RUNX1T1: variants seen among roughly 807,000 people sequenced by gnomAD.
The protein encoded by RUNX1T1 is protein CBFA2T1.
In RUNX1T1, 4 loss-of-function variants were observed where a neutral mutation model predicts 62.8. That is an observed-to-expected ratio of 0.06 (90% CI 0.03 to 0.15). The LOEUF (loss-of-function observed/expected upper bound fraction) is 0.15, where lower values mean the gene tolerates loss of function less well. Ranked by LOEUF, RUNX1T1 falls within the 10% of genes least tolerant of loss-of-function variation. The pLI, the probability that RUNX1T1 is intolerant of heterozygous loss-of-function variation, is 1.00. For synonymous variants in RUNX1T1, 291 were observed against 286.0 expected, an observed-to-expected ratio of 1.02 and a Z score of -0.18; for missense variants, 508 against 754.3, an observed-to-expected ratio of 0.67 and a Z score of 3.82.
chr8:92,080,691 T>C (rs552319392), intron 1 of RUNX1T1, among the ~76,000 whole-genome samples: 1 of 152,386 alleles, frequency 6.6e-6, no homozygotes, highest in African/African-American at 2.4e-5. Flanking sequence ...GCCATGTTTA[T>C]TCAACAATGC....
intron 1 of RUNX1T1, among the ~76,000 whole-genome samples, chr8:92,087,202 G>A (rs1836263407): frequency 6.6e-6 from 1 of 152,120 alleles, no homozygotes; most frequent in African/African-American, 2.4e-5. Flanking sequence ...CCAACCCTGA[G>A]GCACTCCACA....
At chr8:91,990,171 C>CA (rs1050165833) in intron 6 of RUNX1T1, among the ~76,000 whole-genome samples, 4 of 151,648 alleles carry the variant, frequency 2.6e-5, no homozygotes, top group African/African-American at 4.8e-5. Flanking sequence ...CTGCCTGTGG[C>CA]AAAAAAACAA....
intron 10 of RUNX1T1, among the ~76,000 whole-genome samples, chr8:91,964,055 GT>G (rs1811084331): frequency 6.6e-6 from 1 of 152,144 alleles, no homozygotes; most frequent in East Asian, 1.9e-4. Flanking sequence ...AAGTTAGGTT[GT>G]GACTCAGATG....
exon 11 of RUNX1T1, chr8:91,958,946 C>CTTT (rs1178394100): frequency 1.1e-5 from 2 of 180,978 alleles, no homozygotes; most frequent in Admixed American, 6.9e-5. Context: ...CAAAAAGAGT[C>CTTT]TTTTTTTCCT....
At chr8:91,984,869 G>A (rs1037144917) in intron 8 of RUNX1T1, among the ~76,000 whole-genome samples, 2 of 152,006 alleles carry the variant, frequency 1.3e-5, no homozygotes, top group Non-Finnish European at 2.9e-5. Flanking sequence ...ATACAATTTT[G>A]TTTTTAAAAT....
chr8:92,085,750 T>C (rs943984348), intron 1 of RUNX1T1, among the ~76,000 whole-genome samples: 1 of 152,168 alleles, frequency 6.6e-6, no homozygotes, highest in African/African-American at 2.4e-5. Flanking sequence ...ATGAACCATA[T>C]CCTAAAAGTC....
At chr8:91,992,371 A>G (rs1329105854) in intron 5 of RUNX1T1, among the ~76,000 whole-genome samples, 1 of 152,186 alleles carries the variant, frequency 6.6e-6, no homozygotes, top group Non-Finnish European at 1.5e-5. Context: ...TGTCCAATAC[A>G]GTAGCTACAT....
intron 8 of RUNX1T1, among the ~76,000 whole-genome samples, chr8:91,977,801 T>C (rs2028652): frequency 0.19 from 26,815 of 143,266 alleles, 2,550 homozygotes; most frequent in Non-Finnish European, 0.22. Flanking sequence ...TTCTTTTTTC[T>C]TTTTTTGAGA....
At chr8:92,057,383 T>C (rs1831208915) in intron 1 of RUNX1T1, among the ~76,000 whole-genome samples, 1 of 152,194 alleles carries the variant, frequency 6.6e-6, no homozygotes, top group Non-Finnish European at 1.5e-5. Context: ...ACTTTACCTA[T>C]GTCCTTGGGC....
intron 1 of RUNX1T1, among the ~76,000 whole-genome samples, chr8:92,053,272 T>G (rs984525096): frequency 6.6e-6 from 1 of 152,170 alleles, no homozygotes; most frequent in Non-Finnish European, 1.5e-5. Flanking sequence ...TTGGCTAAAT[T>G]TATCATGTAA....
intron 10 of RUNX1T1, among the ~76,000 whole-genome samples, chr8:91,961,473 CA>C (rs1472548224): frequency 5.9e-5 from 9 of 152,148 alleles, no homozygotes; most frequent in Non-Finnish European, 1.2e-4. Flanking sequence ...AGTTCACTGC[CA>C]GTTGTGGGCA....
intron 1 of RUNX1T1, among the ~76,000 whole-genome samples, chr8:92,057,360 T>C (rs943580971): frequency 5.9e-5 from 9 of 152,282 alleles, no homozygotes; most frequent in Non-Finnish European, 1.3e-4. Context: ...GGGAATCCCA[T>C]CTCTACCATT....
chr8:92,011,207 A>T lies in RUNX1T1; in HGVS notation c.388-116T>A. The T allele has an allele frequency of 4.9e-6, 3 of 611,390 alleles. No homozygotes were observed. The South Asian group carries it at 6.2e-5, about 13-fold the overall frequency. 37.9% of individuals were successfully genotyped at this position (611,390 alleles called of 1,614,324 possible). A position where few individuals can be genotyped will look rare whatever the true frequency, so the allele number is the denominator to read the frequency against. On this transcript the variant is annotated intron_variant, in intron 3 of 10. Coordinates refer to ENST00000396218, the Ensembl canonical transcript of RUNX1T1. Reference sequence around the variant, plus strand: ...AGTGTAATAACAAGCAAACATACTGACAGAAACCAGTATTTTCAATAAAAC... The same window carrying T: ...AGTGTAATAACAAGCAAACATACTGTCAGAAACCAGTATTTTCAATAAAAC...
upstream of RUNX1T1, among the ~76,000 whole-genome samples, chr8:92,065,530 A>G (rs1322263902): frequency 2.0e-5 from 3 of 152,258 alleles, no homozygotes; most frequent in Admixed American, 6.5e-5. Context: ...CAGTAAGTTT[A>G]GTCAACAACA....
intron 1 of RUNX1T1, among the ~76,000 whole-genome samples, chr8:92,062,015 G>T (rs1451637290): frequency 6.6e-6 from 1 of 152,160 alleles, no homozygotes. Context: ...TTAATTAACT[G>T]ATTTCAATTA....
intron 8 of RUNX1T1, 65 bp from the exon 10 acceptor site, chr8:91,976,038 G>T: frequency 1.7e-6 from 2 of 1,169,710 alleles, no homozygotes; most frequent in South Asian, 2.5e-5. Flanking sequence ...TTGTGTCATC[G>T]CACAGAGTGA....
intron 3 of RUNX1T1, among the ~76,000 whole-genome samples, chr8:92,013,025 C>T (rs1822281716): frequency 6.6e-6 from 1 of 151,632 alleles, no homozygotes; most frequent in Non-Finnish European, 1.5e-5. Flanking sequence ...ATTATGGAAC[C>T]ACTGTTAATA....
chr8:92,071,298 TGAGCTACTA>T (rs1404785324), intron 2 of RUNX1T1: 1 of 152,280 alleles, frequency 6.6e-6, no homozygotes, highest in East Asian at 1.9e-4. Flanking sequence ...AAGCAATCTC[TGAGCTACTA>T]GCTCCACACC....
In RUNX1T1 at chr8:92,030,971, A is replaced by C. The variant is rs1036440503; in HGVS notation, c.8-13608T>G. Among the ~76,000 whole-genome samples, 174 of 152,320 alleles carry C rather than the reference A, an allele frequency of 1.1e-3. 2 individuals carry two copies. The highest frequency in any genetic ancestry group is 4.0e-3 in the African/African-American group (168 of 41,568). On this transcript the variant is annotated intron_variant, in intron 1 of 10. Transcript: ENST00000396218. ...CTGCTTTCTTAACAACTCTAGCTGGATATCCCATTGATAGTTATATGTGGA... is the reference window on the plus strand; with the variant it reads ...CTGCTTTCTTAACAACTCTAGCTGGCTATCCCATTGATAGTTATATGTGGA...
Sources: allele counts gnomAD v4.1 joint callset (sites outside exome capture counted in the v4.1 genomes callset), GRCh38; gene constraint gnomAD v4.1.1; transcripts MANE v1.5; gene names NCBI Gene and HGNC (gene_info 2026-07-23, HGNC 2026-07-21).